SLC41A3: variants seen among roughly 807,000 people sequenced by gnomAD.
The protein encoded by SLC41A3 is SLC41A1-like 2.
SLC41A3 carries 44 observed loss-of-function variants against 45.4 expected under a neutral mutation model. That is an observed-to-expected ratio of 0.97 (90% CI 0.76 to 1.25). The LOEUF (loss-of-function observed/expected upper bound fraction) is 1.25, where lower values mean the gene tolerates loss of function less well. Among genes scored for constraint, SLC41A3 ranks in the 50% most tolerant of loss-of-function variants. The pLI, the probability that SLC41A3 is intolerant of heterozygous loss-of-function variation, is 0.00. For missense variants in SLC41A3, 550 were observed against 600.6 expected (o/e 0.92, Z 0.88); for synonymous variants, 256 against 252.4 (o/e 1.01, Z -0.13).
chr3:126,042,687 T>C (rs565883359), intron 3 of SLC41A3, among the ~76,000 whole-genome samples: 2 of 151,796 alleles, frequency 1.3e-5, no homozygotes, highest in South Asian at 2.1e-4. Context: ...GATGAAAATA[T>C]CAACAAAGAA....
Position 126,022,951 on chromosome 3 carries a change from G to A in SLC41A3, c.599-19C>T. ...AGCACCCCTGCAGAGAGAGAGAGGA[G>A]AAACAGCAGACTCAAATCCCAGGGA... On this transcript the variant is annotated intron_variant, in intron 5 of 10. Transcript: ENST00000360370. 6.2e-7 allele frequency: 1 copy of A among 1,613,368 alleles called. No individual in the cohort carries two copies.
upstream of SLC41A3, among the ~76,000 whole-genome samples, chr3:126,087,204 A>G (rs1314651806): frequency 6.6e-6 from 1 of 152,138 alleles, no homozygotes; most frequent in African/African-American, 2.4e-5. Context: ...GTTTAATGAA[A>G]ACAGCTAAAT....
chr3:126,008,266 G>A (rs1329663391), intron 10 of SLC41A3, among the ~76,000 whole-genome samples: 4 of 152,248 alleles, frequency 2.6e-5, no homozygotes, highest in East Asian at 1.9e-4. Context: ...AGTACGTAGC[G>A]TAAGCTGTAT....
intron 4 of SLC41A3, among the ~76,000 whole-genome samples, chr3:126,028,955 A>T (rs1236044796): frequency 1.3e-5 from 2 of 152,240 alleles, no homozygotes; most frequent in African/African-American, 4.8e-5. Flanking sequence ...CCCCTTTGAA[A>T]TGGGAGTATT....
At chr3:126,057,126 G>T (rs745709132) in intron 2 of SLC41A3, 37 of 986,328 alleles carry the variant, frequency 3.8e-5, no homozygotes, top group Non-Finnish European at 4.5e-5. Flanking sequence ...TACAGACCTC[G>T]AGTTTTATTC....
chr3:126,019,104 C>T (rs1195409599), intron 6 of SLC41A3, among the ~76,000 whole-genome samples: 1 of 152,164 alleles, frequency 6.6e-6, no homozygotes, highest in African/African-American at 2.4e-5. Flanking sequence ...GAGAGGCTGC[C>T]TCTGGTGAGG....
intron 9 of SLC41A3, 56 bp from the exon 10 acceptor site, chr3:126,008,936 T>A: frequency 6.2e-7 from 1 of 1,602,104 alleles, no homozygotes; most frequent in Non-Finnish European, 8.5e-7. Flanking sequence ...CACTTTGGCA[T>A]GTGACAGTCC....
chr3:126,006,434 A>G lies in SLC41A3; in HGVS notation c.*582T>C. 6.2e-7 allele frequency: 1 copy of G among 1,603,642 alleles called. No homozygotes were observed. Among genetic ancestry groups the G allele is most frequent in the Non-Finnish European group, 8.5e-7 (1 of 1,174,950 alleles). ...AAATAGAGGTTTTTGCTAACAAACA[A>G]AAAGGAAAATAAAAAGACAGCAAGG... On this transcript the variant is annotated 3_prime_UTR_variant, in exon 11 of 11. Coordinates refer to ENST00000360370, the MANE Select transcript of SLC41A3 (RefSeq NM_017836.4).
chr3:126,032,984 C>T (rs1941916803), intron 4 of SLC41A3, among the ~76,000 whole-genome samples: 1 of 152,124 alleles, frequency 6.6e-6, no homozygotes. Flanking sequence ...TTCCTCATCT[C>T]CCCCTGCCTT....
intron 2 of SLC41A3, among the ~76,000 whole-genome samples, chr3:126,052,537 T>C (rs1943399885): frequency 6.6e-6 from 1 of 152,156 alleles, no homozygotes; most frequent in Non-Finnish European, 1.5e-5. Context: ...AAGTGCCTGT[T>C]CTCACCCATC....
At chr3:126,014,396 C>T (rs1559808427) in intron 8 of SLC41A3, among the ~76,000 whole-genome samples, 1 of 152,190 alleles carries the variant, frequency 6.6e-6, no homozygotes, top group East Asian at 1.9e-4. Flanking sequence ...CAACTACTGG[C>T]TGGAGCTGGA....
chr3:126,023,169 T>A (rs1310421199), intron 5 of SLC41A3: 2 of 544,828 alleles, frequency 3.7e-6, no homozygotes. Flanking sequence ...GGACTCCACT[T>A]TGTGACCTGT....
rs1553740822 is a variant in SLC41A3 at position 126,059,310 on chromosome 3, G to GAAAGAAAGAAAGAAAGAAAGAAA, written c.274-8261_274-8260insTTTCTTTCTTTCTTTCTTTCTTT. Among the ~76,000 whole-genome samples the GAAAGAAAGAAAGAAAGAAAGAAA allele has an allele frequency of 1.1e-4, 10 of 88,194 alleles. No individual in the cohort carries two copies. The South Asian group carries it at 2.1e-3, about 18-fold the overall frequency. The allele number at this position is 88,194 out of a possible 152,430, so 57.9% of individuals were successfully genotyped here. On this transcript the variant is annotated intron_variant, in intron 2 of 10. Coordinates refer to ENST00000360370, the MANE Select transcript of SLC41A3 (RefSeq NM_017836.4). ...AGAAAGAAAGAAAGAAAGAAAGAAAGGAAGGATGATCTGTGATAAGTGCTC... is the reference window on the plus strand; with the variant it reads ...AGAAAGAAAGAAAGAAAGAAAGAAAGAAAGAAAGAAAGAAAGAAAGAAAGAAGGATGATCTGTGATAAGTGCTC...
intron 2 of SLC41A3, among the ~76,000 whole-genome samples, chr3:126,051,851 T>C (rs1943358000): frequency 1.3e-5 from 2 of 152,102 alleles, no homozygotes; most frequent in African/African-American, 2.4e-5. Flanking sequence ...AACAAATCCC[T>C]GCTTCGTCAT....
Position 126,007,024 on chromosome 3 carries a change from G to A in SLC41A3, c.1456C>T (p.Pro486Ser), listed in dbSNP as rs1406459865. ...LGGISELASG[P>S]P The stretch of plus-strand genomic sequence containing the variant: ...GGACCAGCGGGGCCCAGTTAGGGAG[G>A]TCCAGATGCCAGTTCTGAGATGCCA... Residue 486 changes from proline to serine, a missense_variant, in exon 11 of 11, where the codon CCT becomes TCT. Transcript: ENST00000360370. The A allele has an allele frequency of 6.2e-7, 1 of 1,614,146 alleles. No individual in the cohort carries two copies. The highest frequency in any genetic ancestry group is 1.1e-5 in the South Asian group (1 of 91,080).
At chr3:126,043,288 G>A (rs6438960) in intron 3 of SLC41A3, among the ~76,000 whole-genome samples, 107,347 of 151,884 alleles carry the variant, frequency 0.71, 38,121 homozygotes, top group East Asian at 0.82. Flanking sequence ...TGAGAATTCT[G>A]TATCTGGCAA....
intron 1 of SLC41A3, among the ~76,000 whole-genome samples, chr3:126,092,351 G>A (rs1184097711): frequency 6.6e-6 from 1 of 152,240 alleles, no homozygotes; most frequent in Non-Finnish European, 1.5e-5. Context: ...TAACTAGCCA[G>A]ACCTACCCCT....
chr3:126,030,497 C>T (rs1369565444), intron 4 of SLC41A3, among the ~76,000 whole-genome samples: 1 of 152,152 alleles, frequency 6.6e-6, no homozygotes, highest in Non-Finnish European at 1.5e-5. Context: ...TATTCATTAA[C>T]AGCTGATGCT....
At chr3:126,030,395 A>ATT (rs1941711382) in intron 4 of SLC41A3, among the ~76,000 whole-genome samples, 4 of 151,890 alleles carry the variant, frequency 2.6e-5, no homozygotes, top group African/African-American at 7.3e-5. Flanking sequence ...ACTCACAGAA[A>ATT]AGAAAATACA....
Sources: allele counts gnomAD v4.1 joint callset (sites outside exome capture counted in the v4.1 genomes callset), GRCh38; gene constraint gnomAD v4.1.1; transcripts MANE v1.5; gene names NCBI Gene and HGNC (gene_info 2026-07-23, HGNC 2026-07-21).